ANKAR: variants seen among roughly 807,000 people sequenced by gnomAD.
ANKAR encodes the protein ankyrin and armadillo repeat containing.
In ANKAR, 136 loss-of-function variants were observed where a neutral mutation model predicts 146.2. That is an observed-to-expected ratio of 0.93 (90% CI 0.81 to 1.07). ANKAR has a LOEUF of 1.07. Ranked by LOEUF, ANKAR falls within the 50% of genes least tolerant of loss-of-function variation. The pLI, the probability that ANKAR is intolerant of heterozygous loss-of-function variation, is 0.00. For synonymous variants in ANKAR, 500 were observed against 575.8 expected (o/e 0.87, Z 1.88); for missense variants, 1,567 against 1,679.9 (o/e 0.93, Z 1.18).
chr2:189,709,520 A>G (rs879599543), intron 9 of ANKAR, among the ~76,000 whole-genome samples: 1 of 152,216 alleles, frequency 6.6e-6, no homozygotes, highest in Non-Finnish European at 1.5e-5. Flanking sequence ...ATGCACATGC[A>G]TTACTTTGAT....
intron 2 of ANKAR, among the ~76,000 whole-genome samples, chr2:189,682,131 A>G (rs1402492367): frequency 6.6e-6 from 1 of 152,166 alleles, no homozygotes; most frequent in Admixed American, 6.5e-5. Context: ...CCAATCAAAG[A>G]TGAGCATCAA....
chr2:189,734,407 A>C (rs1186767930), intron 17 of ANKAR, among the ~76,000 whole-genome samples: 1 of 152,220 alleles, frequency 6.6e-6, no homozygotes, highest in African/African-American at 2.4e-5. Context: ...ACTATAAAGA[A>C]GATTTGTTTC....
At chr2:189,703,958 C>T in intron 7 of ANKAR, among the ~76,000 whole-genome samples, 1 of 152,168 alleles carries the variant, frequency 6.6e-6, no homozygotes, top group East Asian at 1.9e-4. Flanking sequence ...AGTTACCTCT[C>T]TCCCTCAACA....
At chr2:189,692,646 A>C in intron 4 of ANKAR, 1 of 391,268 alleles carries the variant, frequency 2.6e-6, no homozygotes, top group Non-Finnish European at 4.5e-6. Flanking sequence ...AGCTAGGTAC[A>C]TCTATCACCC....
chr2:189,756,091 C>T (rs942115372), intron 18 of ANKAR, among the ~76,000 whole-genome samples: 16 of 151,984 alleles, frequency 1.1e-4, no homozygotes, highest in African/African-American at 3.4e-4. Flanking sequence ...CTGGAATGAC[C>T]GGGAGAAAAG....
At chr2:189,752,675 C>T in intron 18 of ANKAR, 1 of 1,613,800 alleles carries the variant, frequency 6.2e-7, no homozygotes, top group Admixed American at 1.7e-5. Flanking sequence ...CGGATGCCTT[C>T]TATGTCATGT....
intron 3 of ANKAR, among the ~76,000 whole-genome samples, chr2:189,692,010 C>G (rs535985241): frequency 6.6e-6 from 1 of 152,122 alleles, no homozygotes; most frequent in Non-Finnish European, 1.5e-5. Context: ...GATCCGCCCC[C>G]CTCAGCCTCT....
rs574766545 is a variant in ANKAR, at chr2:189,744,675, T to C, written c.4011-67T>C. ...GGTACTGTAAGTCTTCATATACTTC[T>C]TCATATATTTTTTCTGGGTGCATTA... is the stretch of plus-strand genomic sequence containing the variant. On this transcript the variant is annotated intron_variant, in intron 21 of 22. Coordinates refer to ENST00000684021, the MANE Select transcript of ANKAR (RefSeq NM_001378068.1). 296 of 1,171,518 alleles carry C rather than the reference T, an allele frequency of 2.5e-4. No individual in the cohort carries two copies. The Middle Eastern group carries it at 4.1e-3, about 16-fold the overall frequency. 72.6% of individuals were successfully genotyped at this position (1,171,518 alleles called of 1,614,324 possible). A position where few individuals can be genotyped will look rare whatever the true frequency, so the allele number is the denominator to read the frequency against.
intron 10 of ANKAR, among the ~76,000 whole-genome samples, chr2:189,714,922 G>A (rs2040210867): frequency 6.9e-6 from 1 of 145,534 alleles, no homozygotes; most frequent in Non-Finnish European, 1.5e-5. Context: ...CTCCAGCCTG[G>A]GCGACAGAGT....
chr2:189,752,914 T>C, intron 18 of ANKAR: 1 of 1,613,766 alleles, frequency 6.2e-7, no homozygotes, highest in East Asian at 2.2e-5. Context: ...TGCACTGTGT[T>C]GCATTTGTTA....
At chr2:189,685,323 G>A (rs2035409393) in intron 2 of ANKAR, among the ~76,000 whole-genome samples, 1 of 150,452 alleles carries the variant, frequency 6.6e-6, no homozygotes, top group Admixed American at 6.6e-5. Context: ...TTTTTTTCCA[G>A]TAGCTAACTT....
chr2:189,679,710 A>G (rs1283020830), intron 2 of ANKAR, among the ~76,000 whole-genome samples: 1 of 152,104 alleles, frequency 6.6e-6, no homozygotes, highest in East Asian at 1.9e-4. Context: ...TTCTGCATCT[A>G]TTGAGATGAT....
At chr2:189,698,226 AATG>A (rs1238516010) in intron 7 of ANKAR, among the ~76,000 whole-genome samples, 3 of 152,182 alleles carry the variant, frequency 2.0e-5, no homozygotes, top group African/African-American at 2.4e-5. Context: ...AATGTTGCAT[AATG>A]ATGTTTTGTA....
rs989414226 is a variant in ANKAR, at chr2:189,705,338, A to G, written c.1910+114A>G. On this transcript the variant is annotated intron_variant, in intron 8 of 22. Coordinates refer to ENST00000684021, the MANE Select transcript of ANKAR (RefSeq NM_001378068.1). ...ATTTCTGCTTTTCATGGCTTGCCACACACACTGCCACTAAAAGGTGATAGG... is the reference window on the plus strand; with the variant it reads ...ATTTCTGCTTTTCATGGCTTGCCACGCACACTGCCACTAAAAGGTGATAGG... 17 of 1,027,744 alleles carry G rather than the reference A, an allele frequency of 1.7e-5. No individual in the cohort carries two copies. In the Admixed American group the frequency reaches 4.1e-4, roughly 25 times the overall value. 63.7% of individuals were successfully genotyped at this position (1,027,744 alleles called of 1,614,324 possible).
In ANKAR at chr2:189,696,365, C is replaced by A. The variant is rs943795552; in HGVS notation, c.1704C>A (p.Ser568Arg). Residue 568 changes from serine to arginine, a missense_variant, in exon 7 of 23, where the codon AGC (serine) becomes AGA (arginine). By Grantham distance (110) the Ser-to-Arg change is moderately radical. Coordinates refer to ENST00000684021, the MANE Select transcript of ANKAR (RefSeq NM_001378068.1). ...ACCAGAGGCGCTTTGTTACGTTCAG[C>A]CAAGGTACCATAAAGTTTTTTAACC... Reference protein sequence around the residue: ...KVNQRRFVTFSQGPTPLHLAA... With the variant: ...KVNQRRFVTFRQGPTPLHLAA... 3 of 1,610,260 alleles carry A rather than the reference C, an allele frequency of 1.9e-6. No individual in the cohort carries two copies. The African/African-American group carries it at 4.0e-5, about 22-fold the overall frequency.
intron 7 of ANKAR, among the ~76,000 whole-genome samples, chr2:189,697,686 T>G (rs1388083043): frequency 6.6e-6 from 1 of 152,108 alleles, no homozygotes; most frequent in East Asian, 1.9e-4. Context: ...CCTTTTTTAG[T>G]GTGGAAAAAG....
In ANKAR at chr2:189,728,655, A is replaced by T. The variant is rs200105712; in HGVS notation, c.3032-5A>T. ...TCATACATGTATCTTGCTTTTCTTTATCAGGAGGTGAAGCTGTCATAGCTC... is the reference window on the plus strand; with the variant it reads ...TCATACATGTATCTTGCTTTTCTTTTTCAGGAGGTGAAGCTGTCATAGCTC... On this transcript the variant is annotated splice_region_variant and splice_polypyrimidine_tract_variant and intron_variant, in intron 14 of 22. Transcript: ENST00000684021. The T allele has an allele frequency of 1.2e-6, 2 of 1,612,758 alleles. No homozygotes were observed. Among genetic ancestry groups the T allele is most frequent in the Non-Finnish European group, 1.7e-6 (2 of 1,179,370 alleles).
chr2:189,753,477 T>C (rs1301647817), intron 18 of ANKAR, among the ~76,000 whole-genome samples: 1 of 152,176 alleles, frequency 6.6e-6, no homozygotes, highest in Non-Finnish European at 1.5e-5. Flanking sequence ...TGGTACAATA[T>C]AGTGGATTAT....
At chr2:189,708,421 A>G (rs2039254535) in intron 9 of ANKAR, among the ~76,000 whole-genome samples, 1 of 152,196 alleles carries the variant, frequency 6.6e-6, no homozygotes, top group South Asian at 2.1e-4. Context: ...AAGGTTTTTG[A>G]TTTTACAATT....
Sources: gnomAD v4.1 joint callset for allele counts (sites outside exome capture counted in the v4.1 genomes callset) on GRCh38, gnomAD v4.1.1 for gene constraint, MANE v1.5 for transcripts, NCBI Gene and HGNC (gene_info 2026-07-23, HGNC 2026-07-21) for gene names.